COL22A1: variants seen among roughly 807,000 people sequenced by gnomAD.
COL22A1 encodes the protein collagen type XXII alpha 1 chain, also known as collagen alpha-1(XXII) chain.
COL22A1 carries 221 observed loss-of-function variants against 248.9 expected under a neutral mutation model. The ratio of observed to expected loss-of-function variants is 0.89; its 90% CI spans 0.80 to 0.99. The LOEUF is 0.99. Among genes scored for constraint, COL22A1 ranks in the 50% least tolerant of loss-of-function variants. The probability of loss-of-function intolerance (pLI) is 0.00; values close to 1 mark genes in which losing one functional copy is unlikely to be tolerated. For synonymous variants in COL22A1, 891 were observed against 793.4 expected, an observed-to-expected ratio of 1.12 and a Z score of -2.07; for missense variants, 2,240 against 2,179.0, an observed-to-expected ratio of 1.03 and a Z score of -0.56.
At chr8:138,865,388 G>A (rs1313667323) in intron 3 of COL22A1, among the ~76,000 whole-genome samples, 1 of 152,074 alleles carries the variant, frequency 6.6e-6, no homozygotes, top group South Asian at 2.1e-4. Flanking sequence ...CTGTGTGTGA[G>A]TGTATGTGTG....
intron 3 of COL22A1, among the ~76,000 whole-genome samples, chr8:138,859,335 C>A (rs959000257): frequency 6.6e-6 from 1 of 152,204 alleles, no homozygotes; most frequent in African/African-American, 2.4e-5. Flanking sequence ...GTCAGGCCCC[C>A]CTGAACACCA....
At position 138,775,981 on chromosome 8, in the gene COL22A1, T is replaced by A; in HGVS notation, c.1788A>T (p.Gly596=). Reference sequence around the variant, plus strand: ...CTATAAATACCTTTTCTCCTCGAGTTCCCTTTTCACCTCGTTCTCCTTGGA... The same window carrying A: ...CTATAAATACCTTTTCTCCTCGAGTACCCTTTTCACCTCGTTCTCCTTGGA... ...PGLQGERGEK[G]TRGEKGERGL... Residue 596 remains glycine (G), a synonymous_variant, in exon 16 of 65, where the codon GGA becomes GGT. Coordinates refer to ENST00000303045, the MANE Select transcript of COL22A1 (RefSeq NM_152888.3). The A allele has an allele frequency of 1.2e-6, 2 of 1,613,558 alleles. No individual in the cohort carries two copies. The highest frequency in any genetic ancestry group is 1.7e-6 in the Non-Finnish European group (2 of 1,179,902).
intron 3 of COL22A1, among the ~76,000 whole-genome samples, chr8:138,854,857 T>G (rs2318329): frequency 0.92 from 139,346 of 152,048 alleles, 63,923 homozygotes; most frequent in East Asian, 0.98. Flanking sequence ...GTGATGTGGA[T>G]GAGGTGGTGC....
chr8:138,618,443 C>G (rs1819505959), intron 53 of COL22A1, among the ~76,000 whole-genome samples: 1 of 152,146 alleles, frequency 6.6e-6, no homozygotes, highest in South Asian at 2.1e-4. Context: ...GGTTTCCTGG[C>G]TGAAATGTAG....
intron 3 of COL22A1, among the ~76,000 whole-genome samples, chr8:138,865,793 C>CTG (rs34146468): frequency 0.19 from 21,416 of 114,930 alleles, 1,905 homozygotes; most frequent in African/African-American, 0.3. Flanking sequence ...GTTTGTATGC[C>CTG]TGTGTGTGTG....
At chr8:138,651,649 G>A (rs1014241643) in intron 45 of COL22A1, among the ~76,000 whole-genome samples, 10 of 109,800 alleles carry the variant, frequency 9.1e-5, no homozygotes, top group Non-Finnish European at 1.1e-4. Flanking sequence ...AAAGGAGCTC[G>A]CCTCTTTGTA....
chr8:138,623,623 A>C (rs1330521931), intron 52 of COL22A1, 109 bp downstream of exon 52: 21 of 896,130 alleles, frequency 2.3e-5, no homozygotes, highest in Non-Finnish European at 3.5e-5. Context: ...AATGCATAGA[A>C]AATGCCTATC....
rs774353964 is a variant in COL22A1, at chr8:138,877,990, G to A, written c.418C>T (p.Arg140Cys). The A allele has an allele frequency of 1.9e-6, 3 of 1,586,354 alleles. No homozygotes were observed. The highest frequency in any genetic ancestry group is 2.6e-6 in the Non-Finnish European group (3 of 1,166,652). ...SPHAGGRPRD[R>C]AYKQVAILLT... Reference sequence around the variant, plus strand: ...AGGATGGCCACCTGCTTGTAGGCGCGGTCCCTGGGGCGGCCGCCGGCGTGT... The same window carrying A: ...AGGATGGCCACCTGCTTGTAGGCGCAGTCCCTGGGGCGGCCGCCGGCGTGT... The change falls in exon 3 of 65, where the codon CGC (arginine) becomes TGC (cysteine). Residue 140 changes from arginine to cysteine, a missense_variant. Transcript: ENST00000303045.
rs547656279 is a variant in COL22A1 at position 138,655,762 on chromosome 8, T to G, written c.3333+135A>C. On this transcript the variant is annotated intron_variant, in intron 45 of 64. Transcript: ENST00000303045. ...GCACATCACCAGCCACATGCTGAGT[T>G]GTCAACTAATGGCGCTGCTGTTATC... 14 of 780,254 alleles carry G rather than the reference T, an allele frequency of 1.8e-5. No homozygotes were observed. In the East Asian group the frequency reaches 3.2e-4, roughly 18 times the overall value. The allele number at this position is 780,254 out of a possible 1,614,324, so 48.3% of individuals were successfully genotyped here.
intron 42 of COL22A1, 53 bp from the exon 43 acceptor site, chr8:138,662,136 G>A: frequency 6.8e-7 from 1 of 1,475,296 alleles, no homozygotes; most frequent in East Asian, 2.3e-5. Flanking sequence ...AAGCAAATAA[G>A]GACACACCCT....
intron 48 of COL22A1, among the ~76,000 whole-genome samples, chr8:138,635,393 T>G (rs938070944): frequency 2.6e-5 from 4 of 152,192 alleles, no homozygotes; most frequent in Non-Finnish European, 5.9e-5. Flanking sequence ...TACATAAATG[T>G]TCATTTTATT....
intron 2 of COL22A1, among the ~76,000 whole-genome samples, 159 bp from the exon 3 acceptor site, chr8:138,878,475 C>T (rs964063262): frequency 2.6e-5 from 4 of 152,170 alleles, no homozygotes; most frequent in African/African-American, 9.7e-5. Flanking sequence ...AGGCCTGAGC[C>T]TCAGTTTCCA....
At chr8:138,846,872 C>T (rs1487953775) in intron 3 of COL22A1, among the ~76,000 whole-genome samples, 1 of 152,242 alleles carries the variant, frequency 6.6e-6, no homozygotes, top group East Asian at 1.9e-4. Context: ...ATCCTATTCC[C>T]TGCCTTCAGG....
At chr8:138,906,141 C>G (rs975910590) in intron 1 of COL22A1, among the ~76,000 whole-genome samples, 7 of 152,130 alleles carry the variant, frequency 4.6e-5, no homozygotes, top group African/African-American at 1.7e-4. Context: ...GAGGCCGAGG[C>G]GGGCGGGTCA....
chr8:138,622,729 T>C (rs1470608976), intron 52 of COL22A1, among the ~76,000 whole-genome samples: 1 of 152,082 alleles, frequency 6.6e-6, no homozygotes, highest in Non-Finnish European at 1.5e-5. Flanking sequence ...ATACACATTG[T>C]TTTACTCTTT....
At chr8:138,722,767 C>T (rs1829970451) in intron 25 of COL22A1, among the ~76,000 whole-genome samples, 1 of 150,590 alleles carries the variant, frequency 6.6e-6, no homozygotes, top group East Asian at 2.0e-4. Context: ...CGGACTCCAC[C>T]TCCAGGCTCC....
At chr8:138,763,279 T>C (rs1833646350) in intron 16 of COL22A1, among the ~76,000 whole-genome samples, 1 of 151,916 alleles carries the variant, frequency 6.6e-6, no homozygotes, top group East Asian at 1.9e-4. Context: ...CCCAACTACT[T>C]GGGAGGCTGA....
At chr8:138,711,034 T>C (rs1351340756) in intron 30 of COL22A1, among the ~76,000 whole-genome samples, 1 of 152,166 alleles carries the variant, frequency 6.6e-6, no homozygotes, top group Non-Finnish European at 1.5e-5. Flanking sequence ...CTCCTCATCC[T>C]GAGGGCTGTG....
chr8:138,870,558 G>A (rs957814506), intron 3 of COL22A1, among the ~76,000 whole-genome samples: 2 of 151,836 alleles, frequency 1.3e-5, no homozygotes, highest in African/African-American at 4.8e-5. Context: ...TGTATGTGGT[G>A]CGTGTGGTGT....
Sources: allele counts gnomAD v4.1 joint callset (sites outside exome capture counted in the v4.1 genomes callset), GRCh38; gene constraint gnomAD v4.1.1; transcripts MANE v1.5; gene names NCBI Gene and HGNC (gene_info 2026-07-23, HGNC 2026-07-21).